Variants in SLC6A13 observed in about 807,000 individuals in gnomAD.
The protein encoded by SLC6A13 is sodium- and chloride-dependent GABA transporter 2.
In SLC6A13, 69 loss-of-function variants were observed where a neutral mutation model predicts 72.9. The ratio of observed to expected loss-of-function variants is 0.95; its 90% CI spans 0.78 to 1.16. SLC6A13 has a LOEUF of 1.16. Among genes scored for constraint, SLC6A13 ranks in the 50% most tolerant of loss-of-function variants. SLC6A13 has a pLI of 0.00. For missense variants in SLC6A13, 735 were observed against 760.5 expected, an observed-to-expected ratio of 0.97 and a Z score of 0.39; for synonymous variants, 303 against 303.0, an observed-to-expected ratio of 1.00 and a Z score of 0.00.
At chr12:234,511 T>C (rs1019004321) in intron 7 of SLC6A13, among the ~76,000 whole-genome samples, 1 of 152,098 alleles carries the variant, frequency 6.6e-6, no homozygotes, top group African/African-American at 2.4e-5. Context: ...TTTTATTTTA[T>C]TTTATTTCAT....
At chr12:257,780 G>A (rs1203304529) in intron 2 of SLC6A13, among the ~76,000 whole-genome samples, 1 of 152,096 alleles carries the variant, frequency 6.6e-6, no homozygotes, top group Non-Finnish European at 1.5e-5. Context: ...TCCAGTCACT[G>A]CTCCCCTCCA....
At chr12:241,882 A>G (rs570994923) in intron 4 of SLC6A13, among the ~76,000 whole-genome samples, 1 of 152,374 alleles carries the variant, frequency 6.6e-6, no homozygotes, top group South Asian at 2.1e-4. Context: ...GATCACCTGT[A>G]TGGCAGTGTT....
rs372220798 is a variant in SLC6A13, at chr12:256,330, G to A, written c.202+3521C>T. The A allele has an allele frequency of 2.3e-3, 354 of 152,360 alleles. 1 individual carries two copies. Among genetic ancestry groups the A allele is most frequent in the South Asian group, 0.011 (52 of 4,818 alleles). The allele number at this position is 152,360 out of a possible 1,614,324, so 9.4% of individuals were successfully genotyped here. ...ACAGGCTCAGGGCTTGGCTGAGTAT[G>A]CGCCGAGGCAATGGAAAGAGACTGG... is the stretch of plus-strand genomic sequence containing the variant. On this transcript the variant is annotated intron_variant, in intron 2 of 14. Transcript: ENST00000343164.
At chr12:224,759 T>C (rs1300045004) in intron 9 of SLC6A13, among the ~76,000 whole-genome samples, 1 of 152,218 alleles carries the variant, frequency 6.6e-6, no homozygotes, top group Non-Finnish European at 1.5e-5. Context: ...ACGGTAGGTG[T>C]AGAGGGCTGT....
Position 221,154 on chromosome 12 carries a change from C to T in SLC6A13, c.1687-84G>A, listed in dbSNP as rs115002460. 2,367 of 1,487,874 alleles carry T rather than the reference C, an allele frequency of 1.6e-3. 40 individuals carry two copies. In the African/African-American group the frequency reaches 0.027, roughly 17 times the overall value. The allele number at this position is 1,487,874 out of a possible 1,614,324, so 92.2% of individuals were successfully genotyped here. A position where few individuals can be genotyped will look rare whatever the true frequency, so the allele number is the denominator to read the frequency against. The stretch of plus-strand genomic sequence containing the variant: ...CCCTCATCACCAACATCTGCTGCCT[C>T]CCCACACACAAACCTGCCCTCCTGT... On this transcript the variant is annotated intron_variant, in intron 14 of 14. Transcript: ENST00000343164.
At chr12:227,842 T>C (rs1338490446) in intron 7 of SLC6A13, among the ~76,000 whole-genome samples, 174 bp from the exon 8 acceptor site, 2 of 152,180 alleles carry the variant, frequency 1.3e-5, no homozygotes, top group African/African-American at 2.4e-5. Flanking sequence ...CTCTACTCCC[T>C]GGACTCCTAG....
In SLC6A13 at chr12:238,025, C is replaced by T. The variant is rs376808980; in HGVS notation, c.479-15G>A. 7.5e-5 allele frequency: 121 copies of T among 1,610,192 alleles called. No individual in the cohort carries two copies. The highest frequency in any genetic ancestry group is 3.1e-4 in the African/African-American group (23 of 74,788). ...CATACAGTGTTCTACCCATGGGTCACGAGGAGGGAAAAAAGAGAAAAATCA... is the reference window on the plus strand; with the variant it reads ...CATACAGTGTTCTACCCATGGGTCATGAGGAGGGAAAAAAGAGAAAAATCA... On this transcript the variant is annotated splice_polypyrimidine_tract_variant and intron_variant, in intron 4 of 14. Transcript: ENST00000343164.
At chr12:240,637 G>C (rs1001233887) in intron 4 of SLC6A13, among the ~76,000 whole-genome samples, 1 of 152,264 alleles carries the variant, frequency 6.6e-6, no homozygotes, top group African/African-American at 2.4e-5. Flanking sequence ...TCACGATCTT[G>C]ATGACTAGTG....
intron 4 of SLC6A13, among the ~76,000 whole-genome samples, chr12:239,389 T>TCCATTCCCACACCATTCCCTTCA (rs1942082270): frequency 2.0e-5 from 3 of 152,136 alleles, no homozygotes; most frequent in African/African-American, 7.2e-5. Context: ...GTGTGTTAGA[T>TCCATTCCCACACCATTCCCTTCA]GCCGTGCCTC....
At chr12:237,385 C>A (rs777318745) in intron 5 of SLC6A13, 95 bp from the exon 6 acceptor site, 123 of 1,411,688 alleles carry the variant, frequency 8.7e-5, no homozygotes, top group Non-Finnish European at 1.2e-4. Flanking sequence ...TGCCTCCAGG[C>A]TCTTGTCCAA....
chr12:235,069 C>T, intron 7 of SLC6A13, 21 bp downstream of exon 7: 3 of 1,614,086 alleles, frequency 1.9e-6, no homozygotes, highest in South Asian at 1.1e-5. Flanking sequence ...CACGTGAGGG[C>T]TCCTGTCTGT....
At chr12:237,849 G>T in intron 5 of SLC6A13, 77 bp downstream of exon 5, 1 of 1,061,540 alleles carries the variant, frequency 9.4e-7, no homozygotes, top group South Asian at 1.3e-5. Flanking sequence ...CATTGAGAGT[G>T]ACCTTGGTGT....
intron 12 of SLC6A13, among the ~76,000 whole-genome samples, 185 bp downstream of exon 12, chr12:222,947 G>T (rs1471306797): frequency 6.6e-6 from 1 of 152,020 alleles, no homozygotes; most frequent in African/African-American, 2.4e-5. Flanking sequence ...CAAGACTGTG[G>T]GCAAGGCAGC....
At chr12:228,533 C>G (rs1158419604) in intron 7 of SLC6A13, among the ~76,000 whole-genome samples, 1 of 152,134 alleles carries the variant, frequency 6.6e-6, no homozygotes, top group Non-Finnish European at 1.5e-5. Context: ...ATGTCTTTTG[C>G]TCAGCCTCAT....
chr12:251,018 T>C (rs1281890819), intron 2 of SLC6A13, among the ~76,000 whole-genome samples: 3 of 151,870 alleles, frequency 2.0e-5, no homozygotes, highest in Middle Eastern at 3.4e-3. Context: ...TAGCCGGGCA[T>C]GGTGGTGGGC....
Position 224,094 on chromosome 12 carries a change from C to T in SLC6A13, c.1209G>A (p.Val403=). 1 of 1,614,194 alleles carries T rather than the reference C, an allele frequency of 6.2e-7. No homozygotes were observed. The highest frequency in any genetic ancestry group is 8.5e-7 in the Non-Finnish European group (1 of 1,180,028). The part of the protein sequence containing the change: ...VCVESLVTAL[V]DMYPHVFRKK... The stretch of plus-strand genomic sequence containing the variant: ...TGCGGAACACGTGAGGGTACATGTC[C>T]ACCAGCGCTGTCACCAGGCTTTCTA... Residue 403 remains valine, a synonymous_variant, in exon 11 of 15, where the codon GTG becomes GTA. Transcript: ENST00000343164.
intron 7 of SLC6A13, among the ~76,000 whole-genome samples, chr12:232,974 G>A (rs1200673257): frequency 6.6e-6 from 1 of 151,866 alleles, no homozygotes; most frequent in Non-Finnish European, 1.5e-5. Flanking sequence ...CAGCCTCAGT[G>A]TGCCTGTCGC....
In SLC6A13 at chr12:235,766, G is replaced by T. The variant is rs190063107; in HGVS notation, c.697-542C>A. On this transcript the variant is annotated intron_variant, in intron 6 of 14. Coordinates refer to ENST00000343164, the MANE Select transcript of SLC6A13 (RefSeq NM_016615.5). ...TCTTCTTGCAGAGAGCCTATAAACG[G>T]ACGTGCAAGTAGGAGAGATGTCGCT... Among the ~76,000 whole-genome samples the T allele has an allele frequency of 1.2e-4, 18 of 152,296 alleles. No individual in the cohort carries two copies. In the East Asian group the frequency reaches 3.5e-3, roughly 29 times the overall value.
At chr12:246,583 C>A (rs1942357612) in intron 2 of SLC6A13, among the ~76,000 whole-genome samples, 1 of 152,120 alleles carries the variant, frequency 6.6e-6, no homozygotes, top group African/African-American at 2.4e-5. Context: ...AACTTCTGAA[C>A]ATGAACACTA....
Sources: gnomAD v4.1 joint callset for allele counts (sites outside exome capture counted in the v4.1 genomes callset) on GRCh38, gnomAD v4.1.1 for gene constraint, MANE v1.5 for transcripts, NCBI Gene and HGNC (gene_info 2026-07-23, HGNC 2026-07-21) for gene names.